RYR1: variants seen among roughly 807,000 people sequenced by gnomAD.
RYR1 encodes central core disease of muscle.
RYR1 carries 342 observed loss-of-function variants against 583.5 expected under a neutral mutation model. That is an observed-to-expected ratio of 0.59 (90% CI 0.54 to 0.64). RYR1 has a LOEUF of 0.64. RYR1 is among the 30% of genes least tolerant of loss of function. The probability of loss-of-function intolerance (pLI) is 0.00; values close to 1 mark genes in which losing one functional copy is unlikely to be tolerated. For synonymous variants in RYR1, 2,791 were observed against 2,822.5 expected, an observed-to-expected ratio of 0.99 and a Z score of 0.35; for missense variants, 6,032 against 6,917.2, an observed-to-expected ratio of 0.87 and a Z score of 4.54.
chr19:38,560,499 C>T (rs1348113800), intron 89 of RYR1, among the ~76,000 whole-genome samples: 3 of 151,916 alleles, frequency 2.0e-5, no homozygotes, highest in African/African-American at 7.2e-5. Context: ...GAGGCCGAGG[C>T]GGGTGGATCA....
chr19:38,490,241 C>T lies in RYR1; in HGVS notation c.5980C>T (p.Arg1994Cys), dbSNP rs369167120. ...CATGACCGCAGCAGAGACTGCAAGA[C>T]GTACCCGCGAGTTCCGCTCCCCACC... ...FSMTAAETAR[R>C]TREFRSPPQE... The change falls in exon 36 of 106, where the codon CGT becomes TGT. Residue 1994 changes from arginine (R) to cysteine (C), a missense_variant. By Grantham distance (180) the Arg-to-Cys change is radical (BLOSUM62 -3). Around this residue, in one of 11 missense-constraint regions of RYR1, gnomAD observed 2,627 missense variants for 2,961.3 expected, o/e 0.89. Coordinates refer to ENST00000359596, the MANE Select transcript of RYR1 (RefSeq NM_000540.3). The T allele has an allele frequency of 5.6e-6, 9 of 1,614,162 alleles. No individual in the cohort carries two copies. The highest frequency in any genetic ancestry group is 1.1e-5 in the South Asian group (1 of 91,086).
At chr19:38,540,014 T>C (rs748004204) in intron 84 of RYR1, among the ~76,000 whole-genome samples, 5 of 152,180 alleles carry the variant, frequency 3.3e-5, no homozygotes, top group Non-Finnish European at 7.3e-5. Context: ...TTGAGTATGC[T>C]TTGTCTATGT....
chr19:38,485,698 G>C lies in RYR1; in HGVS notation c.5043G>C (p.Ala1681=). The change falls in exon 34 of 106, where the codon GCG becomes GCC. Residue 1681 remains alanine (A), a synonymous_variant. Coordinates refer to ENST00000359596, the MANE Select transcript of RYR1 (RefSeq NM_000540.3). ...GCGCCCTGGGCAACAATCGCGTGGC[G>C]CACGCTCTGTGCAGCCACGTAGACC... ...AVCALGNNRV[A]HALCSHVDQA... is the part of the protein sequence containing the mutation. The C allele has an allele frequency of 6.2e-7, 1 of 1,611,334 alleles. No individual in the cohort carries two copies. The highest frequency in any genetic ancestry group is 8.5e-7 in the Non-Finnish European group (1 of 1,179,840).
rs1349985442 is a variant in RYR1, at chr19:38,532,690, G to A, written c.11213G>A (p.Gly3738Glu). 9 of 1,614,064 alleles carry A rather than the reference G, an allele frequency of 5.6e-6. No homozygotes were observed. Among genetic ancestry groups the A allele is most frequent in the Non-Finnish European group, 7.6e-6 (9 of 1,180,048 alleles). Residue 3738 changes from glycine to glutamate, a missense_variant, in exon 78 of 106, where the codon GGA becomes GAA. By Grantham distance (98) the Gly-to-Glu change is moderately conservative. Around this residue, in one of 11 missense-constraint regions of RYR1, gnomAD observed 1,493 missense variants for 1,715.5 expected, o/e 0.87. Coordinates refer to ENST00000359596, the MANE Select transcript of RYR1 (RefSeq NM_000540.3). ...CCCCAGAGCTGCCACCTGGAGGAGGGAGGGGAGAACGGTGAAGCTGAAGAG... is the reference window on the plus strand; with the variant it reads ...CCCCAGAGCTGCCACCTGGAGGAGGAAGGGGAGAACGGTGAAGCTGAAGAG... ...IMAKSCHLEE[G>E]GENGEAEEEV... is the part of the protein sequence containing the mutation.
intron 42 of RYR1, among the ~76,000 whole-genome samples, chr19:38,497,204 C>T (rs1969878899): frequency 6.7e-6 from 1 of 148,808 alleles, no homozygotes; most frequent in Non-Finnish European, 1.5e-5. Context: ...TCTACGCTTC[C>T]GGGATGGGGG....
rs993574046 is a variant in RYR1, at chr19:38,489,827, G to A, written c.5815-249G>A. ...GTATTTTTAGTAGAGATGGGGTTTC[G>A]CCATGTTGGCCAGGCTGGTCTTGAA... On this transcript the variant is annotated intron_variant, in intron 35 of 105. Transcript: ENST00000359596. Among the ~76,000 whole-genome samples the A allele has an allele frequency of 2.4e-4, 36 of 152,062 alleles. 1 individual carries two copies. The highest frequency in any genetic ancestry group is 9.2e-4 in the Admixed American group (14 of 15,262).
Position 38,572,204 on chromosome 19 carries a change from G to T in RYR1, c.13932G>T (p.Leu4644=), listed in dbSNP as rs199698011. 85 of 1,614,064 alleles carry T rather than the reference G, an allele frequency of 5.3e-5. 1 individual carries two copies. The East Asian group carries it at 1.2e-3, about 22-fold the overall frequency. Residue 4644 remains leucine (L), a synonymous_variant, in exon 95 of 106, where the codon CTG becomes CTT. Transcript: ENST00000359596. The stretch of plus-strand genomic sequence containing the variant: ...GCACAGGCTACATGGAACCCGCCCT[G>T]CGGTGTCTGAGCCTCCTGCATACAC... ...EESTGYMEPA[L]RCLSLLHTLV... is the part of the protein sequence containing the mutation.
chr19:38,449,811 G>A (rs914871476), intron 11 of RYR1, among the ~76,000 whole-genome samples: 1 of 152,158 alleles, frequency 6.6e-6, no homozygotes, highest in African/African-American at 2.4e-5. Context: ...GCAGGCTGGA[G>A]TAGTGGTTGG....
At chr19:38,550,599 C>T (rs1351341395) in intron 89 of RYR1, among the ~76,000 whole-genome samples, 4 of 152,026 alleles carry the variant, frequency 2.6e-5, no homozygotes, top group Non-Finnish European at 4.4e-5. Context: ...CATCCTTGAC[C>T]CCCTGGGCTC....
Position 38,496,644 on chromosome 19 carries a change from C to T in RYR1, c.6796+103C>T. On this transcript the variant is annotated intron_variant, in intron 41 of 105. Transcript: ENST00000359596. This position sits in a 1 kb window ranked among gnomAD's most constrained non-coding sequence, Gnocchi z 4.8. Reference sequence around the variant, plus strand: ...CAGCTCACTCATTCAACAAACACTCCCTCTCAACTGTGGTTCTGGCCCTGT... The same window carrying T: ...CAGCTCACTCATTCAACAAACACTCTCTCTCAACTGTGGTTCTGGCCCTGT... The T allele has an allele frequency of 7.0e-7, 1 of 1,429,630 alleles. No homozygotes were observed. The highest frequency in any genetic ancestry group is 9.8e-7 in the Non-Finnish European group (1 of 1,019,100). 88.6% of individuals were successfully genotyped at this position (1,429,630 alleles called of 1,614,324 possible).
In RYR1 at chr19:38,567,821, C is replaced by G. The variant is rs759397045; in HGVS notation, c.13563C>G (p.Pro4521=). 1 of 1,614,148 alleles carries G rather than the reference C, an allele frequency of 6.2e-7. No individual in the cohort carries two copies. Among genetic ancestry groups the G allele is most frequent in the South Asian group, 1.1e-5 (1 of 91,074 alleles). ...KEEVPEPTPE[P]PKKQAPPSPP... ...AAGTTCCCGAGCCCACACCAGAGCC[C>G]CCCAAGAAGCAAGCACCTCCCTCAC... The change falls in exon 93 of 106, where the codon CCC becomes CCG. Residue 4521 remains proline, a synonymous_variant. Coordinates refer to ENST00000359596, the MANE Select transcript of RYR1 (RefSeq NM_000540.3).
At chr19:38,566,263 C>T (rs1452013631) in intron 91 of RYR1, among the ~76,000 whole-genome samples, 1 of 151,478 alleles carries the variant, frequency 6.6e-6, no homozygotes, top group East Asian at 1.9e-4. Context: ...ATCCTGGCCA[C>T]CGTGGTGGAA....
At chr19:38,578,610 A>G (rs1974062883) in intron 99 of RYR1, among the ~76,000 whole-genome samples, 1 of 150,024 alleles carries the variant, frequency 6.7e-6, no homozygotes, top group South Asian at 2.1e-4. Flanking sequence ...AGGCAGGCAG[A>G]TCACTTGAGG....
At chr19:38,575,824 A>C in intron 96 of RYR1, 95 bp from the exon 97 acceptor site, 1 of 1,331,802 alleles carries the variant, frequency 7.5e-7, no homozygotes, top group African/African-American at 1.4e-5. Flanking sequence ...AAAAAGAAAA[A>C]CAGTGGAGTT....
In RYR1 at chr19:38,500,517, C is replaced by T; in HGVS notation, c.7324-89C>T. 6.3e-7 allele frequency: 1 copy of T among 1,583,906 alleles called. No individual in the cohort carries two copies. Among genetic ancestry groups the T allele is most frequent in the Non-Finnish European group, 8.6e-7 (1 of 1,158,068 alleles). On this transcript the variant is annotated intron_variant, in intron 45 of 105. Transcript: ENST00000359596. This position sits in a 1 kb window ranked among gnomAD's most constrained non-coding sequence, Gnocchi z 5.9. Reference sequence around the variant, plus strand: ...TCCTGAGAAAGAGGCCTGCTCTACCCTCCTGTGTGGTAAGGGAGGGAGCAG... The same window carrying T: ...TCCTGAGAAAGAGGCCTGCTCTACCTTCCTGTGTGGTAAGGGAGGGAGCAG...
At chr19:38,548,933 T>C (rs1383196290) in intron 89 of RYR1, among the ~76,000 whole-genome samples, 1 of 152,202 alleles carries the variant, frequency 6.6e-6, no homozygotes, top group Non-Finnish European at 1.5e-5. Flanking sequence ...AGAACCGTTA[T>C]TACTGTTATC....
chr19:38,516,345 G>A (rs934936929), intron 65 of RYR1, 128 bp downstream of exon 65: 1 of 1,123,712 alleles, frequency 8.9e-7, no homozygotes, highest in Non-Finnish European at 1.3e-6. Context: ...CCCCAGGTTG[G>A]GAGTGCCACA....
rs79028384 is a variant in RYR1 at position 38,471,478 on chromosome 19, C to T, written c.3766-1899C>T. 2.4e-3 allele frequency among the ~76,000 whole-genome samples: 364 copies of T among 152,168 alleles called. 10 individuals carry two copies. The East Asian group carries it at 0.039, about 16-fold the overall frequency. ...CCAGGATTTCGGGGCTGCAGTGAGC[C>T]GTGGTTGCACCACAGCACTCCAGCC... is the stretch of plus-strand genomic sequence containing the variant. On this transcript the variant is annotated intron_variant, in intron 27 of 105. Coordinates refer to ENST00000359596, the MANE Select transcript of RYR1 (RefSeq NM_000540.3).
At chr19:38,558,760 C>T (rs1972990182) in intron 89 of RYR1, among the ~76,000 whole-genome samples, 1 of 150,896 alleles carries the variant, frequency 6.6e-6, no homozygotes, top group South Asian at 2.1e-4. Flanking sequence ...GCCTGGGTGA[C>T]AGAGCAAGAC....
Sources: allele counts gnomAD v4.1 joint callset (sites outside exome capture counted in the v4.1 genomes callset), GRCh38; gene constraint gnomAD v4.1.1; regional missense constraint gnomAD v4.1.1; non-coding constraint Gnocchi (gnomAD v3.1); transcripts MANE v1.5; gene names NCBI Gene and HGNC (gene_info 2026-07-23, HGNC 2026-07-21).